The following MIPOL1 variants were observed in gnomAD, a reference collection of about 807,000 sequenced individuals.
The protein encoded by MIPOL1 is mirror-image polydactyly gene 1 protein.
A neutral mutation model predicts 60.9 loss-of-function variants in MIPOL1; 57 were observed. That is an observed-to-expected ratio of 0.94 (90% CI 0.76 to 1.17). The LOEUF is 1.17. Ranked by LOEUF, MIPOL1 falls within the 50% of genes most tolerant of loss-of-function variation. MIPOL1 has a pLI of 0.00. For missense variants in MIPOL1, 551 were observed against 511.6 expected (o/e 1.08, Z -0.74); for synonymous variants, 179 against 168.8 (o/e 1.06, Z -0.47).
chr14:37,248,975 AGGATGGAT>A (rs3061903), intron 3 of MIPOL1, among the ~76,000 whole-genome samples: 2,710 of 149,486 alleles, frequency 0.018, 89 homozygotes, highest in African/African-American at 0.062. Flanking sequence ...AACAAATGGA[AGGATGGAT>A]GGATGGATGG....
At chr14:37,303,577 A>G (rs1008163162) in intron 7 of MIPOL1, among the ~76,000 whole-genome samples, 2 of 151,982 alleles carry the variant, frequency 1.3e-5, no homozygotes, top group African/African-American at 2.4e-5. Context: ...TTATTAAAGT[A>G]TATTGAAATT....
At chr14:37,277,339 T>C (rs755126734) in intron 6 of MIPOL1, 13 of 151,236 alleles carry the variant, frequency 8.6e-5, no homozygotes, top group Non-Finnish European at 1.8e-4. Flanking sequence ...AGGCTGATAG[T>C]CTGTTTAGTA....
chr14:37,298,167 CT>C (rs2085957986), intron 7 of MIPOL1, among the ~76,000 whole-genome samples: 1 of 152,168 alleles, frequency 6.6e-6, no homozygotes, highest in Non-Finnish European at 1.5e-5. Flanking sequence ...ACTATCTGAT[CT>C]TTGACAAACC....
intron 12 of MIPOL1, chr14:37,523,366 T>C (rs1316300310): frequency 5.9e-6 from 2 of 339,162 alleles, no homozygotes; most frequent in Non-Finnish European, 1.1e-5. Flanking sequence ...TAATTAGTTA[T>C]CGTAAAGTGA....
At chr14:37,471,003 G>C (rs35005938) in intron 11 of MIPOL1, among the ~76,000 whole-genome samples, 34,919 of 152,042 alleles carry the variant, frequency 0.23, 4,546 homozygotes, top group South Asian at 0.33. Flanking sequence ...AGTGTTCACT[G>C]TTTCGGTAAT....
chr14:37,368,305 C>G (rs1349199947), intron 9 of MIPOL1, among the ~76,000 whole-genome samples: 1 of 151,768 alleles, frequency 6.6e-6, no homozygotes, highest in Non-Finnish European at 1.5e-5. Flanking sequence ...ATTTTGCAAT[C>G]TAAGTCAATA....
chr14:37,525,937 A>C (rs970562757), intron 12 of MIPOL1, among the ~76,000 whole-genome samples: 2 of 152,174 alleles, frequency 1.3e-5, no homozygotes, highest in Non-Finnish European at 2.9e-5. Context: ...TCATTCAGTT[A>C]AATTTGTTCC....
At chr14:37,442,254 C>T (rs999097963) in intron 11 of MIPOL1, among the ~76,000 whole-genome samples, 13 of 152,006 alleles carry the variant, frequency 8.6e-5, no homozygotes, top group African/African-American at 3.1e-4. Flanking sequence ...TTGTTTATTA[C>T]TTCCAGGAGC....
Position 37,252,853 on chromosome 14 carries a change from T to C in MIPOL1, c.19+4946T>C, listed in dbSNP as rs144662480. ...GTTGATCATTATGACTAAAATATGA[T>C]TGTAGAATCTCATATCACTTTTATA... On this transcript the variant is annotated intron_variant, in intron 3 of 12. Transcript: ENST00000684589. Among the ~76,000 whole-genome samples, 40 of 151,998 alleles carry C rather than the reference T, an allele frequency of 2.6e-4. No homozygotes were observed. The East Asian group carries it at 6.8e-3, about 26-fold the overall frequency.
At chr14:37,543,557 G>A (rs1432186101) in intron 12 of MIPOL1, among the ~76,000 whole-genome samples, 5 of 152,274 alleles carry the variant, frequency 3.3e-5, no homozygotes, top group Admixed American at 2.0e-4. Context: ...GACTACAGGC[G>A]TGAGCCACCT....
chr14:37,401,743 A>G (rs2093485982), intron 10 of MIPOL1: 1 of 152,146 alleles, frequency 6.6e-6, no homozygotes, highest in Non-Finnish European at 1.5e-5. Context: ...ACAGATATCC[A>G]AAGAGGATAA....
intron 11 of MIPOL1, among the ~76,000 whole-genome samples, chr14:37,439,963 C>G (rs189836906): frequency 6.6e-6 from 1 of 152,068 alleles, no homozygotes; most frequent in Non-Finnish European, 1.5e-5. Context: ...GGGTCAGTCT[C>G]CTGAATAGCT....
intron 9 of MIPOL1, among the ~76,000 whole-genome samples, chr14:37,362,009 G>T (rs2092285416): frequency 6.6e-6 from 1 of 152,058 alleles, no homozygotes; most frequent in Non-Finnish European, 1.5e-5. Context: ...GTGTGTCTCT[G>T]CATGTGAGAT....
chr14:37,526,909 C>G (rs981677266), intron 12 of MIPOL1, among the ~76,000 whole-genome samples: 2 of 152,056 alleles, frequency 1.3e-5, no homozygotes, highest in African/African-American at 4.8e-5. Flanking sequence ...TAAGAGAATG[C>G]TTATTTCTGT....
rs147084806 is a variant in MIPOL1, at chr14:37,246,553, T to C, written c.-198-550T>C. On this transcript the variant is annotated intron_variant, in intron 1 of 12. Coordinates refer to ENST00000684589, the MANE Select transcript of MIPOL1 (RefSeq NM_001388067.1). ...CAGGAGAGGGCAGCATTTTACTACA[T>C]CAGTCTTACAAAAGAATTTGCCCTG... 1.5e-3 allele frequency among the ~76,000 whole-genome samples: 234 copies of C among 152,248 alleles called. 1 individual carries two copies. Among genetic ancestry groups the C allele is most frequent in the African/African-American group, 5.2e-3 (218 of 41,572 alleles).
At chr14:37,483,411 A>T (rs2094903430) in intron 11 of MIPOL1, among the ~76,000 whole-genome samples, 1 of 152,050 alleles carries the variant, frequency 6.6e-6, no homozygotes, top group Admixed American at 6.6e-5. Context: ...CACCATGCAC[A>T]GCCAACAACA....
intron 1 of MIPOL1, among the ~76,000 whole-genome samples, chr14:37,227,125 A>C (rs976458707): frequency 3.9e-5 from 6 of 152,186 alleles, no homozygotes; most frequent in African/African-American, 1.4e-4. Flanking sequence ...ACACAAATTT[A>C]TTATCTTACG....
rs143309588 is a variant in MIPOL1 at position 37,267,120 on chromosome 14, A to T, written c.202A>T (p.Ser68Cys). Residue 68 changes from serine to cysteine, a missense_variant, in exon 4 of 13, where the codon AGT becomes TGT. Transcript: ENST00000684589. ...GAGATCAACGAATTTTCAGATCATC[A>T]GTTCTTATCCAGATGATGAGTCTGT... Reference protein sequence around the residue: ...GQRSTNFQIISSYPDDESVYC... With the variant: ...GQRSTNFQIICSYPDDESVYC... The T allele has an allele frequency of 2.3e-5, 37 of 1,613,888 alleles. No homozygotes were observed. The highest frequency in any genetic ancestry group is 1.7e-4 in the Middle Eastern group (1 of 6,060).
intron 9 of MIPOL1, among the ~76,000 whole-genome samples, chr14:37,338,506 T>G (rs2090354563): frequency 1.3e-5 from 2 of 150,660 alleles, no homozygotes; most frequent in African/African-American, 4.9e-5. Flanking sequence ...CCTCCCAGAT[T>G]CAAGTGATTT....
Sources: allele counts gnomAD v4.1 joint callset (sites outside exome capture counted in the v4.1 genomes callset), GRCh38; gene constraint gnomAD v4.1.1; transcripts MANE v1.5; gene names NCBI Gene and HGNC (gene_info 2026-07-23, HGNC 2026-07-21).